Variants in MCF2L observed in about 807,000 individuals in gnomAD.
MCF2L encodes MCF.2 cell line derived transforming sequence like.
A neutral mutation model predicts 153.4 loss-of-function variants in MCF2L; 97 were observed. The ratio of observed to expected loss-of-function variants is 0.63; its 90% confidence interval spans 0.54 to 0.75. The LOEUF (loss-of-function observed/expected upper bound fraction) is 0.75. Among genes scored for constraint, MCF2L ranks in the 30% least tolerant of loss-of-function variants. The pLI is 0.00. For missense variants in MCF2L, 1,347 were observed against 1,495.2 expected (o/e 0.90, Z 1.64); for synonymous variants, 659 against 632.2 (o/e 1.04, Z -0.64).
intron 2 of MCF2L, among the ~76,000 whole-genome samples, chr13:112,922,625 G>C (rs1160413297): frequency 6.6e-6 from 1 of 152,208 alleles, no homozygotes; most frequent in Non-Finnish European, 1.5e-5. Context: ...CTGAGCTCAG[G>C]AGTTCAAGAC....
rs926116445 is a variant in MCF2L, at chr13:113,095,556, G to A, written c.3076-815G>A. 18 of 1,012,314 alleles carry A rather than the reference G, an allele frequency of 1.8e-5. No homozygotes were observed. The South Asian group carries it at 4.9e-4, about 28-fold the overall frequency. 62.7% of individuals were successfully genotyped at this position (1,012,314 alleles called of 1,614,324 possible). A position where few individuals can be genotyped will look rare whatever the true frequency, so the allele number is the denominator to read the frequency against. On this transcript the variant is annotated intron_variant, in intron 27 of 29. Coordinates refer to ENST00000535094, the MANE Select transcript of MCF2L (RefSeq NM_001112732.3). Reference sequence around the variant, plus strand: ...CTGGGCACCACAGAGGCAGGAGCCAGTACAGGCCATCACGTGAGGGCAGGC... The same window carrying A: ...CTGGGCACCACAGAGGCAGGAGCCAATACAGGCCATCACGTGAGGGCAGGC...
chr13:112,970,668 T>A (rs1004911152), intron 1 of MCF2L, among the ~76,000 whole-genome samples: 1 of 152,108 alleles, frequency 6.6e-6, no homozygotes, highest in African/African-American at 2.4e-5. Flanking sequence ...TCTGCATGCC[T>A]CTGCGTGCCG....
chr13:113,046,846 G>A lies in MCF2L; in HGVS notation c.369+1485G>A, dbSNP rs1328242663. 1.4e-5 allele frequency: 5 copies of A among 352,038 alleles called. No individual in the cohort carries two copies. Among genetic ancestry groups the A allele is most frequent in the East Asian group, 7.7e-5 (1 of 13,028 alleles). The allele number at this position is 352,038 out of a possible 1,614,324, so 21.8% of individuals were successfully genotyped here. On this transcript the variant is annotated intron_variant, in intron 4 of 29. Transcript: ENST00000535094. The surrounding 1 kb of genome is among the most constrained non-coding windows in gnomAD (Gnocchi z 4.4). ...TCAGGATGCTTCCAAAAAAGTAGACGTGTATAGAATCGGTCTTCCTTTGTT... is the reference window on the plus strand; with the variant it reads ...TCAGGATGCTTCCAAAAAAGTAGACATGTATAGAATCGGTCTTCCTTTGTT...
In MCF2L at chr13:113,095,060, G is replaced by T. The variant is rs776982933; in HGVS notation, c.3075+425G>T. ...CCCCCTACCCTTTATGTCATAGAAT[G>T]CTGTCACTGAGCCTTCCTAACTATA... On this transcript the variant is annotated intron_variant, in intron 27 of 29. Transcript: ENST00000535094. 11 of 1,368,648 alleles carry T rather than the reference G, an allele frequency of 8.0e-6. No homozygotes were observed. In the Admixed American group the frequency reaches 2.1e-4, roughly 26 times the overall value. 84.8% of individuals were successfully genotyped at this position (1,368,648 alleles called of 1,614,324 possible).
chr13:112,929,623 T>C (rs1044050025), intron 2 of MCF2L, among the ~76,000 whole-genome samples: 1 of 152,160 alleles, frequency 6.6e-6, no homozygotes, highest in African/African-American at 2.4e-5. Context: ...ACAGCAGGTG[T>C]CAGAATCACC....
At chr13:113,059,653 C>A (rs2031037420) in intron 4 of MCF2L, among the ~76,000 whole-genome samples, 1 of 152,202 alleles carries the variant, frequency 6.6e-6, no homozygotes, top group African/African-American at 2.4e-5. Flanking sequence ...CCACTGAACG[C>A]CACGCACGCC....
chr13:112,943,775 T>C lies in MCF2L; in HGVS notation c.169+41404T>C, dbSNP rs1472169900. 6.6e-6 allele frequency among the ~76,000 whole-genome samples: 1 copy of C among 151,522 alleles called. No individual in the cohort carries two copies. Among genetic ancestry groups the C allele is most frequent in the Non-Finnish European group, 1.5e-5 (1 of 67,932 alleles). ...CCGGCGGAGATCTGGGAGCATTTTC[T>C]GGAAGCCTCCACAGACTTCAGGCGG... On this transcript the variant is annotated intron_variant, in intron 2 of 29. Coordinates refer to the MCF2L transcript ENST00000375608. This position sits in a 1 kb window ranked among gnomAD's most constrained non-coding sequence, Gnocchi z 4.2.
At chr13:112,990,760 C>T (rs1426835845) in intron 1 of MCF2L, among the ~76,000 whole-genome samples, 3 of 152,244 alleles carry the variant, frequency 2.0e-5, no homozygotes, top group Admixed American at 1.3e-4. Context: ...GTGTGCCCAG[C>T]GTCTGCTCTG....
At chr13:112,975,155 G>A (rs903911646) in intron 1 of MCF2L, among the ~76,000 whole-genome samples, 27 of 152,152 alleles carry the variant, frequency 1.8e-4, no homozygotes, top group African/African-American at 6.3e-4. Context: ...CATCTGTTAC[G>A]CCTTTTGGAA....
chr13:112,945,599 T>C (rs2140687068), intron 2 of MCF2L, among the ~76,000 whole-genome samples: 1 of 152,362 alleles, frequency 6.6e-6, no homozygotes, highest in East Asian at 1.9e-4. Context: ...CTTTTTGACC[T>C]TGAGCAGCAG....
At chr13:113,023,568 T>C (rs1016508014) in intron 2 of MCF2L, among the ~76,000 whole-genome samples, 6 of 152,162 alleles carry the variant, frequency 3.9e-5, no homozygotes, top group Admixed American at 3.9e-4. Flanking sequence ...CTGGGTCTTC[T>C]CAGTGAGGAC....
chr13:112,999,733 G>T (rs1361245046), intron 1 of MCF2L, among the ~76,000 whole-genome samples: 2 of 152,216 alleles, frequency 1.3e-5, no homozygotes, highest in East Asian at 1.9e-4. Flanking sequence ...GAAGCTGGAG[G>T]TGAGGACACG....
At chr13:113,048,949 G>A (rs1209207182) in intron 4 of MCF2L, among the ~76,000 whole-genome samples, 1 of 152,200 alleles carries the variant, frequency 6.6e-6, no homozygotes, top group Non-Finnish European at 1.5e-5. Flanking sequence ...CCATGGGGAG[G>A]GGGCAGAGTT....
chr13:113,061,722 CTTGCCCTCCCCTCCCTCTTCCCT>C (rs2031472968), intron 5 of MCF2L, among the ~76,000 whole-genome samples: 1 of 101,674 alleles, frequency 9.8e-6, no homozygotes, highest in African/African-American at 3.7e-5. Flanking sequence ...TCCCCTCCCC[CTTGCCCTCCCCTCCCTCTTCCCT>C]TTCCCCTCCC....
At chr13:113,090,029 G>C (rs1220987889) in intron 26 of MCF2L, 3 of 1,598,846 alleles carry the variant, frequency 1.9e-6, no homozygotes, top group East Asian at 4.6e-5. Flanking sequence ...GCATCGGGTT[G>C]CGATGCCCTC....
rs1407148929 is a variant in MCF2L at position 113,028,907 on chromosome 13, A to C, written c.278+4149A>C. 4.1e-5 allele frequency among the ~76,000 whole-genome samples: 6 copies of C among 146,650 alleles called. No individual in the cohort carries two copies. The highest frequency in any genetic ancestry group is 9.0e-5 in the Non-Finnish European group (6 of 66,780). On this transcript the variant is annotated intron_variant, in intron 3 of 29. Coordinates refer to ENST00000535094, the MANE Select transcript of MCF2L (RefSeq NM_001112732.3). This position sits in a 1 kb window ranked among gnomAD's most constrained non-coding sequence, Gnocchi z 5.4. ...TGTGTGGTGTGTGTGTAATGTGAGC[A>C]TGTGGCATGTGTGGGGTAAGTGGTG...
intron 1 of MCF2L, among the ~76,000 whole-genome samples, chr13:112,991,295 G>A (rs1014747192): frequency 6.6e-6 from 1 of 151,604 alleles, no homozygotes; most frequent in African/African-American, 2.4e-5. Context: ...TGTGTTTTGG[G>A]GGGCGTCTCC....
intron 4 of MCF2L, among the ~76,000 whole-genome samples, chr13:113,057,191 TTTGGTGCTGAG>T (rs2030139882): frequency 7.3e-6 from 1 of 136,616 alleles, no homozygotes; most frequent in Non-Finnish European, 1.5e-5. Flanking sequence ...TGCTGTGTGT[TTTGGTGCTGAG>T]TGTTTAGGTG....
At chr13:112,952,977 A>G (rs2081711711) in intron 2 of MCF2L, among the ~76,000 whole-genome samples, 1 of 152,208 alleles carries the variant, frequency 6.6e-6, no homozygotes, top group Non-Finnish European at 1.5e-5. Context: ...TGGACTGTTT[A>G]CACGGGGGGC....
Sources: gnomAD v4.1 joint callset for allele counts (sites outside exome capture counted in the v4.1 genomes callset) on GRCh38, gnomAD v4.1.1 for gene constraint, Gnocchi (gnomAD v3.1) non-coding constraint, MANE v1.5 for transcripts, NCBI Gene and HGNC (gene_info 2026-07-23, HGNC 2026-07-21) for gene names.